PIBF1: variants seen among roughly 807,000 people sequenced by gnomAD.
The protein encoded by PIBF1 is progesterone immunomodulatory binding factor 1.
A neutral mutation model predicts 112.5 loss-of-function variants in PIBF1; 90 were observed. That is an observed-to-expected ratio of 0.80 (90% CI 0.67 to 0.95). The LOEUF is 0.95. Ranked by LOEUF, PIBF1 falls within the 40% of genes least tolerant of loss-of-function variation. The probability of loss-of-function intolerance (pLI) is 0.00; values close to 1 mark genes in which losing one functional copy is unlikely to be tolerated. For synonymous variants in PIBF1, 301 were observed against 288.6 expected (o/e 1.04, Z -0.44); for missense variants, 915 against 852.3 (o/e 1.07, Z -0.92).
intron 17 of PIBF1, among the ~76,000 whole-genome samples, chr13:73,002,903 G>A (rs570534541): frequency 6.9e-6 from 1 of 145,314 alleles, no homozygotes; most frequent in South Asian, 2.2e-4. Context: ...AGAATCACTT[G>A]GACCTGGGAG....
intron 2 of PIBF1, among the ~76,000 whole-genome samples, chr13:72,787,158 C>G (rs1234414756): frequency 6.6e-6 from 1 of 152,108 alleles, no homozygotes; most frequent in Non-Finnish European, 1.5e-5. Context: ...CTTAGACAGG[C>G]AAACAGCACT....
intron 14 of PIBF1, among the ~76,000 whole-genome samples, chr13:72,952,413 T>C (rs1461825664): frequency 2.0e-5 from 3 of 152,054 alleles, no homozygotes; most frequent in Non-Finnish European, 4.4e-5. Flanking sequence ...GAGTAACTTA[T>C]TAGTCAGCCT....
chr13:72,807,178 C>A (rs200622946), intron 5 of PIBF1, among the ~76,000 whole-genome samples: 93 of 138,382 alleles, frequency 6.7e-4, no homozygotes, highest in African/African-American at 8.8e-4. Flanking sequence ...GGATAAGAGC[C>A]AAAAAAAAAA....
chr13:72,793,397 A>G (rs1004245331), intron 3 of PIBF1, among the ~76,000 whole-genome samples: 2 of 152,080 alleles, frequency 1.3e-5, no homozygotes, highest in African/African-American at 4.8e-5. Flanking sequence ...CTCAAACTTT[A>G]GCATGTATCA....
intron 10 of PIBF1, among the ~76,000 whole-genome samples, chr13:72,868,878 G>A (rs1021490488): frequency 1.4e-5 from 2 of 144,646 alleles, no homozygotes; most frequent in South Asian, 2.3e-4. Flanking sequence ...CCCCATTATT[G>A]TCTGTACCCT....
intron 4 of PIBF1, 106 bp from the exon 5 acceptor site, chr13:72,797,801 T>G: frequency 1.2e-6 from 1 of 815,780 alleles, no homozygotes; most frequent in South Asian, 2.1e-5. Context: ...CTTGTTGTAG[T>G]TTTGTAAATA....
chr13:72,926,203 T>C (rs574876451), intron 13 of PIBF1, among the ~76,000 whole-genome samples: 55 of 152,344 alleles, frequency 3.6e-4, no homozygotes, highest in African/African-American at 1.3e-3. Context: ...AAAGCTGACC[T>C]AGACCAGTGG....
chr13:72,979,732 G>A (rs906288040), intron 16 of PIBF1, among the ~76,000 whole-genome samples: 7 of 152,070 alleles, frequency 4.6e-5, no homozygotes, highest in Admixed American at 3.3e-4. Context: ...GACCATCCTG[G>A]CTAACACAGT....
chr13:72,874,975 G>A (rs147541242), intron 10 of PIBF1, among the ~76,000 whole-genome samples: 11 of 152,092 alleles, frequency 7.2e-5, no homozygotes, highest in African/African-American at 2.7e-4. Flanking sequence ...CTCTTGGTCC[G>A]GCTACTTTTT....
intron 11 of PIBF1, among the ~76,000 whole-genome samples, chr13:72,896,315 C>T (rs1399915768): frequency 6.6e-6 from 1 of 152,110 alleles, no homozygotes; most frequent in Non-Finnish European, 1.5e-5. Flanking sequence ...AGCCTTCAGC[C>T]CTTGACTTGC....
chr13:72,812,934 AGAGT>A (rs1396312432), intron 5 of PIBF1, among the ~76,000 whole-genome samples: 2 of 152,146 alleles, frequency 1.3e-5, no homozygotes, highest in African/African-American at 2.4e-5. Context: ...AGCCTGTGTA[AGAGT>A]GAGACTCCGC....
chr13:72,842,900 T>C (rs2037676502), intron 9 of PIBF1, among the ~76,000 whole-genome samples: 1 of 152,244 alleles, frequency 6.6e-6, no homozygotes, highest in Admixed American at 6.5e-5. Flanking sequence ...AACTATATTC[T>C]TTACTCCTTA....
chr13:72,969,973 C>G (rs955485934), intron 15 of PIBF1, among the ~76,000 whole-genome samples: 3 of 152,168 alleles, frequency 2.0e-5, no homozygotes, highest in African/African-American at 7.2e-5. Context: ...AGGAAAATTC[C>G]TATTCCTCAT....
At position 72,848,843 on chromosome 13, in the gene PIBF1, AAAAG is replaced by A. The variant is rs577253675; in HGVS notation, c.1224-5211_1224-5208del. ...TGAGACTCCGTCTCAAAAAAAAAAA[AAAAG>A]AACTTAACTCTTTAAGTTTCTCATT... On this transcript the variant is annotated intron_variant, in intron 9 of 17. Coordinates refer to ENST00000326291, the MANE Select transcript of PIBF1 (RefSeq NM_006346.4). Among the ~76,000 whole-genome samples the A allele has an allele frequency of 3.3e-3, 509 of 152,190 alleles. 4 individuals are homozygous for A. The highest frequency in any genetic ancestry group is 0.012 in the African/African-American group (484 of 41,516).
At chr13:72,990,478 G>A (rs1175051044) in intron 16 of PIBF1, among the ~76,000 whole-genome samples, 2 of 145,006 alleles carry the variant, frequency 1.4e-5, no homozygotes, top group African/African-American at 5.2e-5. Context: ...CCAAGATCGT[G>A]CCACTACACT....
chr13:72,894,985 G>A (rs1004239959), intron 11 of PIBF1, among the ~76,000 whole-genome samples: 1 of 151,120 alleles, frequency 6.6e-6, no homozygotes, highest in East Asian at 1.9e-4. Flanking sequence ...AAAGTTAGGT[G>A]TGGTGGCATG....
In PIBF1 at chr13:72,917,056, T is replaced by C. The variant is rs749469707; in HGVS notation, c.1640-20T>C. ...GGAAAAATAAAGTTATTTCACATTATACACTTTAATATTTTCCAGTTGAAA... is the reference window on the plus strand; with the variant it reads ...GGAAAAATAAAGTTATTTCACATTACACACTTTAATATTTTCCAGTTGAAA... On this transcript the variant is annotated intron_variant, in intron 12 of 17. Coordinates refer to ENST00000326291, the MANE Select transcript of PIBF1 (RefSeq NM_006346.4). 2.1e-6 allele frequency: 3 copies of C among 1,447,568 alleles called. No homozygotes were observed. The allele number at this position is 1,447,568 out of a possible 1,614,324, so 89.7% of individuals were successfully genotyped here. A position where few individuals can be genotyped will look rare whatever the true frequency, so the allele number is the denominator to read the frequency against.
At chr13:72,938,204 A>G (rs2041923140) in intron 14 of PIBF1, among the ~76,000 whole-genome samples, 1 of 152,198 alleles carries the variant, frequency 6.6e-6, no homozygotes, top group South Asian at 2.1e-4. Flanking sequence ...TAAAATTCAG[A>G]TAACAAAATT....
At chr13:73,005,623 C>G (rs1359241119) in intron 17 of PIBF1, among the ~76,000 whole-genome samples, 1 of 151,846 alleles carries the variant, frequency 6.6e-6, no homozygotes, top group Non-Finnish European at 1.5e-5. Flanking sequence ...TGGAACGTAG[C>G]AGTTATTTAT....
Sources: allele counts gnomAD v4.1 joint callset (sites outside exome capture counted in the v4.1 genomes callset), GRCh38; gene constraint gnomAD v4.1.1; transcripts MANE v1.5; gene names NCBI Gene and HGNC (gene_info 2026-07-23, HGNC 2026-07-21).